ATP2C2: variants seen among roughly 807,000 people sequenced by gnomAD.
ATP2C2 encodes calcium-transporting ATPase type 2C member 2.
ATP2C2 carries 171 observed loss-of-function variants against 110.8 expected under a neutral mutation model. The observed-to-expected ratio is 1.54, with a 90% CI of 1.36 to 1.75. ATP2C2 has a LOEUF of 1.75. Ranked by LOEUF, ATP2C2 falls within the 40% of genes most tolerant of loss-of-function variation. The probability of loss-of-function intolerance (pLI) is 0.00; values close to 1 mark genes in which losing one functional copy is unlikely to be tolerated. For missense variants in ATP2C2, 1,963 were observed against 1,235.0 expected (o/e 1.59, Z -8.84); for synonymous variants, 804 against 508.4 (o/e 1.58, Z -7.82).
intron 11 of ATP2C2, 56 bp from the exon 12 acceptor site, chr16:84,439,108 TGA>T: frequency 6.3e-7 from 1 of 1,597,488 alleles, no homozygotes. Flanking sequence ...CAGCCCCAGC[TGA>T]GAGTCACACA....
chr16:84,449,815 G>A (rs921887991), intron 17 of ATP2C2, among the ~76,000 whole-genome samples: 4 of 152,188 alleles, frequency 2.6e-5, no homozygotes, highest in Non-Finnish European at 5.9e-5. Flanking sequence ...GTCACATCAC[G>A]CCTCTGCTGA....
At chr16:84,445,928 T>A (rs575255252) in intron 15 of ATP2C2, among the ~76,000 whole-genome samples, 26 of 152,304 alleles carry the variant, frequency 1.7e-4, no homozygotes, top group African/African-American at 6.3e-4. Flanking sequence ...AGGGCCAGGC[T>A]GGCAAGGACC....
At chr16:84,435,497 C>T (rs1908656117) in intron 11 of ATP2C2, among the ~76,000 whole-genome samples, 2 of 152,174 alleles carry the variant, frequency 1.3e-5, no homozygotes, top group African/African-American at 4.8e-5. Flanking sequence ...CTGTATACCT[C>T]CTTGCTTTGC....
At chr16:84,380,453 C>T (rs908825478) in intron 1 of ATP2C2, among the ~76,000 whole-genome samples, 2 of 152,170 alleles carry the variant, frequency 1.3e-5, no homozygotes, top group Non-Finnish European at 2.9e-5. Context: ...TAAAGTTCCT[C>T]CTTCACTCCC....
chr16:84,424,195 C>T (rs1451042948), intron 10 of ATP2C2, among the ~76,000 whole-genome samples: 1 of 152,186 alleles, frequency 6.6e-6, no homozygotes, highest in Non-Finnish European at 1.5e-5. Flanking sequence ...TTGAGAGAAA[C>T]AGCTTATGTA....
intron 1 of ATP2C2, among the ~76,000 whole-genome samples, chr16:84,385,671 A>G (rs1199254465): frequency 6.6e-6 from 1 of 152,246 alleles, no homozygotes; most frequent in African/African-American, 2.4e-5. Flanking sequence ...GGGAGGCCTC[A>G]GGAAACTTAC....
intron 11 of ATP2C2, among the ~76,000 whole-genome samples, chr16:84,430,965 C>T (rs1421240430): frequency 6.6e-6 from 1 of 152,192 alleles, no homozygotes; most frequent in East Asian, 1.9e-4. Flanking sequence ...ACTCCCTATC[C>T]TTGGCGGCCA....
At position 84,463,884 on chromosome 16, in the gene ATP2C2, G is replaced by T. The variant is rs970274192; in HGVS notation, c.*152G>T. ...CTCTTAGGAAAGCTGCAGGAACCTC[G>T]TGGGCTCCAGGGACCCAGGCCCACA... is the stretch of plus-strand genomic sequence containing the variant. On this transcript the variant is annotated 3_prime_UTR_variant, in exon 27 of 27. Transcript: ENST00000262429. 8 of 694,700 alleles carry T rather than the reference G, an allele frequency of 1.2e-5. No individual in the cohort carries two copies. The highest frequency in any genetic ancestry group is 2.0e-5 in the Non-Finnish European group (8 of 408,490). 43.0% of individuals were successfully genotyped at this position (694,700 alleles called of 1,614,324 possible). A position where few individuals can be genotyped will look rare whatever the true frequency, so the allele number is the denominator to read the frequency against.
chr16:84,446,189 G>T, intron 15 of ATP2C2, 140 bp from the exon 16 acceptor site: 1 of 426,196 alleles, frequency 2.3e-6, no homozygotes, highest in Non-Finnish European at 4.1e-6. Flanking sequence ...AAGAGAAATG[G>T]CCTTTTTTCT....
intron 3 of ATP2C2, chr16:84,406,569 C>A (rs780189619): frequency 9.1e-5 from 90 of 985,094 alleles, no homozygotes; most frequent in Non-Finnish European, 1.1e-4. Context: ...CCTTGAGGTC[C>A]CCTCCCTGAT....
At chr16:84,405,776 C>A (rs962694020) in intron 3 of ATP2C2, among the ~76,000 whole-genome samples, 4 of 152,040 alleles carry the variant, frequency 2.6e-5, no homozygotes, top group Non-Finnish European at 4.4e-5. Flanking sequence ...AAAAATTAGC[C>A]GGATGTGGTA....
At chr16:84,435,458 T>C (rs1032263886) in intron 11 of ATP2C2, among the ~76,000 whole-genome samples, 3 of 152,234 alleles carry the variant, frequency 2.0e-5, no homozygotes, top group Admixed American at 6.5e-5. Flanking sequence ...AGCATTGTTA[T>C]ACCCCCTTCT....
rs760487632 is a variant in ATP2C2, at chr16:84,459,143, G to A, written c.2171G>A (p.Gly724Asp). 7 of 1,614,044 alleles carry A rather than the reference G, an allele frequency of 4.3e-6. No homozygotes were observed. Among genetic ancestry groups the A allele is most frequent in the East Asian group, 4.5e-5 (2 of 44,896 alleles). Reference sequence around the variant, plus strand: ...AGGAATGCAGTGGAGGAAGGCAAGGGTATTTTTTACAACATCAAAAACTTT... The same window carrying A: ...AGGAATGCAGTGGAGGAAGGCAAGGATATTTTTTACAACATCAAAAACTTT... ...AIMNAVEEGK[G>D]IFYNIKNFVR... Residue 724 changes from glycine (G) to aspartate (D), a missense_variant, in exon 22 of 27, where the codon GGT (glycine) becomes GAT (aspartate). Gly to Asp is a moderately conservative substitution (Grantham distance 94, BLOSUM62 -1). Transcript: ENST00000262429.
intron 15 of ATP2C2, among the ~76,000 whole-genome samples, chr16:84,442,997 G>A (rs1031037288): frequency 6.6e-6 from 1 of 152,112 alleles, no homozygotes; most frequent in Non-Finnish European, 1.5e-5. Flanking sequence ...GGGGTTCAGT[G>A]TTAGACCCTG....
chr16:84,463,680 A>G lies in ATP2C2; in HGVS notation c.2789A>G (p.Glu930Gly). The G allele has an allele frequency of 6.2e-7, 1 of 1,614,164 alleles. No individual in the cohort carries two copies. The highest frequency in any genetic ancestry group is 8.5e-7 in the Non-Finnish European group (1 of 1,180,000). Residue 930 changes from glutamate (E) to glycine (G), a missense_variant, in exon 27 of 27, where the codon GAA becomes GGA. Coordinates refer to ENST00000262429, the MANE Select transcript of ATP2C2 (RefSeq NM_014861.4). ...TTGTCAGAGCTCCTCAAACTATGTG[A>G]AAAATACTGTTGCAGCCCCAAGAGA... Reference protein sequence around the residue: ...FILSELLKLCEKYCCSPKRVQ... With the variant: ...FILSELLKLCGKYCCSPKRVQ...
chr16:84,430,546 A>G (rs979946300), intron 11 of ATP2C2, among the ~76,000 whole-genome samples: 1 of 151,780 alleles, frequency 6.6e-6, no homozygotes, highest in African/African-American at 2.4e-5. Flanking sequence ...GGGCAGAGGC[A>G]AGAGAATTGC....
chr16:84,415,470 A>C lies in ATP2C2; in HGVS notation c.516-13A>C. 1.2e-6 allele frequency: 2 copies of C among 1,611,622 alleles called. No individual in the cohort carries two copies. The highest frequency in any genetic ancestry group is 1.7e-6 in the Non-Finnish European group (2 of 1,177,700). ...AGCATGGATGCTTTTGCTTTTTACC[A>C]TGTCAAATGCAGCCTAAGAGAAGGA... is the stretch of plus-strand genomic sequence containing the variant. On this transcript the variant is annotated splice_polypyrimidine_tract_variant and intron_variant, in intron 6 of 26. Transcript: ENST00000262429.
At position 84,403,106 on chromosome 16, in the gene ATP2C2, T is replaced by C. The variant is rs1331225251; in HGVS notation, c.211-2022T>C. ...TGGTAGCCACTAATGGCCCTTTGAC[T>C]TTCTGTGATATAATTTGTGAAGTTT... On this transcript the variant is annotated intron_variant, in intron 2 of 26. Transcript: ENST00000262429. Among the ~76,000 whole-genome samples the C allele has an allele frequency of 1.1e-4, 17 of 152,198 alleles. 1 individual carries two copies. Among genetic ancestry groups the C allele is most frequent in the Admixed American group, 1.1e-3 (17 of 15,270 alleles).
chr16:84,405,275 A>G (rs764021239), intron 3 of ATP2C2, 31 bp downstream of exon 3: 1 of 1,569,342 alleles, frequency 6.4e-7, no homozygotes, highest in Admixed American at 1.7e-5. Context: ...CTTTGCATTA[A>G]CATGCATAAG....
Sources: gnomAD v4.1 joint callset for allele counts (sites outside exome capture counted in the v4.1 genomes callset) on GRCh38, gnomAD v4.1.1 for gene constraint, MANE v1.5 for transcripts, NCBI Gene and HGNC (gene_info 2026-07-23, HGNC 2026-07-21) for gene names.